Variants in MICAL3 observed in about 807,000 individuals in gnomAD.
The protein encoded by MICAL3 is [F-actin]-monooxygenase MICAL3.
In MICAL3, 62 loss-of-function variants were observed where a neutral mutation model predicts 207.4. The observed-to-expected ratio is 0.30, with a 90% CI of 0.24 to 0.37. The LOEUF is 0.37. Ranked by LOEUF, MICAL3 falls within the 10% of genes least tolerant of loss-of-function variation. MICAL3 has a pLI of 1.00. For synonymous variants in MICAL3, 1,077 were observed against 1,069.3 expected, an observed-to-expected ratio of 1.01 and a Z score of -0.14; for missense variants, 2,368 against 2,635.6, an observed-to-expected ratio of 0.90 and a Z score of 2.22.
Position 17,824,671 on chromosome 22 carries a change from C to T in MICAL3, c.3194-1611G>A, listed in dbSNP as rs190525911. Among the ~76,000 whole-genome samples the T allele has an allele frequency of 1.1e-3, 162 of 152,312 alleles. 1 individual carries two copies. The highest frequency in any genetic ancestry group is 3.8e-3 in the African/African-American group (157 of 41,562). ...TCCCAGACTAGCTGACAGTTAGGGC[C>T]ATGTGCCTCCCTGAGATACCAGAGT... On this transcript the variant is annotated intron_variant, in intron 22 of 31. Coordinates refer to ENST00000441493, the MANE Select transcript of MICAL3 (RefSeq NM_015241.3).
At chr22:17,919,827 G>A (rs928375509) in intron 1 of MICAL3, among the ~76,000 whole-genome samples, 2 of 152,230 alleles carry the variant, frequency 1.3e-5, no homozygotes, top group African/African-American at 2.4e-5. Context: ...GGACCTGGAG[G>A]CAGCTTTGTT....
chr22:17,856,503 C>G lies in MICAL3; in HGVS notation c.2605+8396G>C, dbSNP rs547300297. On this transcript the variant is annotated intron_variant, in intron 19 of 31. Transcript: ENST00000441493. ...CACCCTCCACCCCAGCGTTCCCGTGCCTCTACCAACGCCAATGCCCCAAGA... is the reference window on the plus strand; with the variant it reads ...CACCCTCCACCCCAGCGTTCCCGTGGCTCTACCAACGCCAATGCCCCAAGA... 4.6e-5 allele frequency among the ~76,000 whole-genome samples: 7 copies of G among 152,250 alleles called. No homozygotes were observed. In the South Asian group the frequency reaches 1.5e-3, roughly 32 times the overall value.
chr22:17,831,209 A>G (rs1341997288), intron 21 of MICAL3, among the ~76,000 whole-genome samples: 1 of 152,098 alleles, frequency 6.6e-6, no homozygotes, highest in Non-Finnish European at 1.5e-5. Flanking sequence ...GCGCTGCTGG[A>G]GCAGAGAAAG....
At chr22:17,996,134 T>TA (rs35369164) in intron 1 of MICAL3, among the ~76,000 whole-genome samples, 3,581 of 93,478 alleles carry the variant, frequency 0.038, 89 homozygotes, top group African/African-American at 0.068. Context: ...TGTCTCAATT[T>TA]AAAAAAAAAA....
Position 17,817,414 on chromosome 22 carries a change from C to T in MICAL3, c.5247G>A (p.Lys1749=). 6.2e-7 allele frequency: 1 copy of T among 1,613,522 alleles called. No homozygotes were observed. The highest frequency in any genetic ancestry group is 8.5e-7 in the Non-Finnish European group (1 of 1,179,862). The stretch of plus-strand genomic sequence containing the variant: ...TGTCGTCGGCCTTCTTCTTCTTGTC[C>T]TTCTTGTACCCGGAGAAGACGGACT... The part of the protein sequence containing the change: ...LWKSVFSGYK[K]DKKKKADDKS... Residue 1749 remains lysine (K), a synonymous_variant, in exon 26 of 32, where the codon AAG becomes AAA. Transcript: ENST00000441493.
intron 17 of MICAL3, among the ~76,000 whole-genome samples, chr22:17,866,495 A>C (rs1280362618): frequency 1.3e-5 from 2 of 152,138 alleles, no homozygotes; most frequent in African/African-American, 4.8e-5. Flanking sequence ...CCCGCACCCT[A>C]TCTCTCACCC....
chr22:17,845,582 C>CAA (rs11419033), intron 19 of MICAL3, among the ~76,000 whole-genome samples: 2 of 142,708 alleles, frequency 1.4e-5, no homozygotes, highest in Non-Finnish European at 3.1e-5. Context: ...TAGCCGGCTG[C>CAA]AAAAAAAAAA....
At chr22:17,876,775 T>C (rs71328243) in intron 16 of MICAL3, 1 of 90,232 alleles carries the variant, frequency 1.1e-5, no homozygotes, top group Non-Finnish European at 2.4e-5. Flanking sequence ...AGGGAAGTTA[T>C]GGAGGTTAGG....
chr22:17,805,405 G>C (rs372620027), intron 29 of MICAL3, among the ~76,000 whole-genome samples: 1 of 152,246 alleles, frequency 6.6e-6, no homozygotes, highest in Non-Finnish European at 1.5e-5. Context: ...GTAAGAGAAG[G>C]AACATATTTG....
intron 19 of MICAL3, chr22:17,863,087 T>C (rs1444526849): frequency 6.1e-6 from 6 of 985,282 alleles, no homozygotes; most frequent in South Asian, 4.7e-5. Flanking sequence ...TTATTCTCTA[T>C]GGAAAGCGTA....
At chr22:17,975,825 G>T (rs1935605009) in intron 1 of MICAL3, among the ~76,000 whole-genome samples, 1 of 152,086 alleles carries the variant, frequency 6.6e-6, no homozygotes, top group Admixed American at 6.6e-5. Context: ...GGCTGAGGTG[G>T]GCAGATCACG....
intron 1 of MICAL3, among the ~76,000 whole-genome samples, chr22:18,023,549 G>T (rs747817472): frequency 6.6e-6 from 1 of 152,274 alleles, no homozygotes; most frequent in Non-Finnish European, 1.5e-5. Context: ...TTGACACACA[G>T]AAAGCATTTT....
rs557399795 is a variant in MICAL3, at chr22:17,899,779, A to T, written c.848-231T>A. ...CAAACAATCCTAAAAACTATGACTG[A>T]CAGTAAACAGAACTGTTTTTACGGG... is the stretch of plus-strand genomic sequence containing the variant. On this transcript the variant is annotated intron_variant, in intron 6 of 31. Coordinates refer to ENST00000441493, the MANE Select transcript of MICAL3 (RefSeq NM_015241.3). Among the ~76,000 whole-genome samples, 148 of 152,328 alleles carry T rather than the reference A, an allele frequency of 9.7e-4. 1 individual carries two copies. In the Middle Eastern group the frequency reaches 0.01, roughly 11 times the overall value.
chr22:17,935,905 T>G (rs1270005830), intron 1 of MICAL3, among the ~76,000 whole-genome samples: 1 of 152,126 alleles, frequency 6.6e-6, no homozygotes, highest in African/African-American at 2.4e-5. Context: ...AGAATGGCAA[T>G]CATTAAAAAG....
At chr22:17,925,549 A>G (rs182699179) in intron 1 of MICAL3, among the ~76,000 whole-genome samples, 1 of 152,326 alleles carries the variant, frequency 6.6e-6, no homozygotes, top group East Asian at 1.9e-4. Context: ...CTGCCAATTC[A>G]GCAACACGAA....
At chr22:17,817,011 C>A (rs1164759199) in intron 26 of MICAL3, among the ~76,000 whole-genome samples, 1 of 150,644 alleles carries the variant, frequency 6.6e-6, no homozygotes, top group Non-Finnish European at 1.5e-5. Flanking sequence ...TGCCCAGCCC[C>A]TCCTGGTAGC....
intron 20 of MICAL3, among the ~76,000 whole-genome samples, chr22:17,836,954 G>A (rs1234237854): frequency 1.3e-5 from 2 of 152,170 alleles, no homozygotes; most frequent in Non-Finnish European, 1.5e-5. Context: ...CCCCTGGGTG[G>A]TTTTTAAAGG....
At chr22:17,798,467 C>T (rs5992847) in intron 29 of MICAL3, among the ~76,000 whole-genome samples, 43 of 152,230 alleles carry the variant, frequency 2.8e-4, no homozygotes, top group African/African-American at 8.2e-4. Flanking sequence ...GAAAGAGGCT[C>T]GCTTATTCTC....
rs1009983721 is a variant in MICAL3 at position 17,873,607 on chromosome 22, CCCA to C, written c.2242-1587_2242-1585del. Among the ~76,000 whole-genome samples, 165 of 152,302 alleles carry C rather than the reference CCCA, an allele frequency of 1.1e-3. 1 individual carries two copies. Among genetic ancestry groups the C allele is most frequent in the African/African-American group, 3.9e-3 (161 of 41,552 alleles). ...CCATGCAGCCAAGCTGCTCCACCAGCCCAGGAAGGTGGGAATGTGTTCTAGGCC... is the reference window on the plus strand; with the variant it reads ...CCATGCAGCCAAGCTGCTCCACCAGCGGAAGGTGGGAATGTGTTCTAGGCC... On this transcript the variant is annotated intron_variant, in intron 16 of 31. Transcript: ENST00000441493.
Sources: gnomAD v4.1 joint callset for allele counts (sites outside exome capture counted in the v4.1 genomes callset) on GRCh38, gnomAD v4.1.1 for gene constraint, MANE v1.5 for transcripts, NCBI Gene and HGNC (gene_info 2026-07-23, HGNC 2026-07-21) for gene names.